TULP3: variants seen among roughly 807,000 people sequenced by gnomAD.
The protein encoded by TULP3 is TUB like protein 3, also known as tubby-related protein 3.
A neutral mutation model predicts 50.7 loss-of-function variants in TULP3; 38 were observed. That is an observed-to-expected ratio of 0.75 (90% CI 0.58 to 0.98). The LOEUF (loss-of-function observed/expected upper bound fraction) is 0.98. Ranked by LOEUF, TULP3 falls within the 50% of genes least tolerant of loss-of-function variation. The pLI is 0.00. For missense variants in TULP3, 550 were observed against 568.0 expected (o/e 0.97, Z 0.32); for synonymous variants, 183 against 196.6 (o/e 0.93, Z 0.58).
chr12:2,907,822 A>G (rs1164241451), intron 1 of TULP3, among the ~76,000 whole-genome samples: 1 of 152,168 alleles, frequency 6.6e-6, no homozygotes, highest in African/African-American at 2.4e-5. Context: ...ACATAGGAAC[A>G]TATGTAGGTG....
In TULP3 at chr12:2,927,604, C is replaced by T. The variant is rs150247916; in HGVS notation, c.395-2644C>T. On this transcript the variant is annotated intron_variant, in intron 4 of 10. Transcript: ENST00000448120. ...TTCTGACCTTGTGATCCACCCATTT[C>T]GGCCTCCCAAAGTGCTGGGATTACA... 5.1e-3 allele frequency among the ~76,000 whole-genome samples: 773 copies of T among 152,102 alleles called. 3 individuals carry two copies. The highest frequency in any genetic ancestry group is 0.01 in the Middle Eastern group (3 of 294).
Position 2,939,551 on chromosome 12 carries a change from C to G in TULP3, c.*107C>G. 6.6e-7 allele frequency: 1 copy of G among 1,513,492 alleles called. No individual in the cohort carries two copies. The highest frequency in any genetic ancestry group is 1.3e-5 in the South Asian group (1 of 75,378). 93.8% of individuals were successfully genotyped at this position (1,513,492 alleles called of 1,614,324 possible). A position where few individuals can be genotyped will look rare whatever the true frequency, so the allele number is the denominator to read the frequency against. ...GGACTTAAAGAGCAATAGTTTGCCCCTTTTGGAATGATCTCTGAATATATA... is the reference window on the plus strand; with the variant it reads ...GGACTTAAAGAGCAATAGTTTGCCCGTTTTGGAATGATCTCTGAATATATA... On this transcript the variant is annotated 3_prime_UTR_variant, in exon 11 of 11. Coordinates refer to ENST00000448120, the MANE Select transcript of TULP3 (RefSeq NM_003324.5). This position sits in a 1 kb window ranked among gnomAD's most constrained non-coding sequence, Gnocchi z 4.0.
chr12:2,933,220 C>T (rs1021822860), intron 6 of TULP3, among the ~76,000 whole-genome samples, 198 bp from the exon 7 acceptor site: 4 of 152,042 alleles, frequency 2.6e-5, no homozygotes, highest in Non-Finnish European at 4.4e-5. Context: ...GGATTACAGG[C>T]GTGAGCCACC....
At chr12:2,931,268 C>G in intron 6 of TULP3, 28 bp downstream of exon 6, 2 of 1,605,846 alleles carry the variant, frequency 1.2e-6, no homozygotes, top group Non-Finnish European at 8.5e-7. Flanking sequence ...TAAGAAAACT[C>G]TTGAGAGAGA....
intron 4 of TULP3, among the ~76,000 whole-genome samples, chr12:2,928,048 T>C (rs906382217): frequency 5.3e-5 from 8 of 152,192 alleles, no homozygotes; most frequent in African/African-American, 1.9e-4. Context: ...ATATACTCCA[T>C]GAACAAGAAA....
intron 2 of TULP3, among the ~76,000 whole-genome samples, chr12:2,915,905 G>C (rs1361619193): frequency 3.3e-5 from 5 of 152,088 alleles, no homozygotes; most frequent in Non-Finnish European, 7.3e-5. Flanking sequence ...GTACTCTGTG[G>C]TTGGTCAGTC....
intron 4 of TULP3, among the ~76,000 whole-genome samples, chr12:2,929,090 G>A (rs1043543853): frequency 1.3e-5 from 2 of 151,648 alleles, no homozygotes; most frequent in Non-Finnish European, 2.9e-5. Context: ...GGGCCGAGAC[G>A]GGCGGATCAC....
chr12:2,907,788 C>T (rs1001882695), intron 1 of TULP3, among the ~76,000 whole-genome samples: 1 of 151,898 alleles, frequency 6.6e-6, no homozygotes, highest in Non-Finnish European at 1.5e-5. Context: ...AAATACATGA[C>T]TGCAGATAAA....
intron 1 of TULP3, among the ~76,000 whole-genome samples, chr12:2,895,097 T>C (rs1307333743): frequency 6.6e-6 from 1 of 152,226 alleles, no homozygotes; most frequent in African/African-American, 2.4e-5. Flanking sequence ...AATAGCCTTT[T>C]TGTTTAGTTC....
chr12:2,929,720 A>T (rs2098196795), intron 4 of TULP3, among the ~76,000 whole-genome samples: 1 of 151,954 alleles, frequency 6.6e-6, no homozygotes, highest in Non-Finnish European at 1.5e-5. Context: ...CCTCCTGAGT[A>T]GCTGGGACTA....
chr12:2,921,146 TC>T (rs2098191447), intron 3 of TULP3, among the ~76,000 whole-genome samples: 1 of 152,148 alleles, frequency 6.6e-6, no homozygotes, highest in African/African-American at 2.4e-5. Flanking sequence ...ACTGTTGTTT[TC>T]TTTTTTTTGA....
At chr12:2,902,387 G>A (rs960007423) in intron 1 of TULP3, among the ~76,000 whole-genome samples, 1 of 152,176 alleles carries the variant, frequency 6.6e-6, no homozygotes, top group Non-Finnish European at 1.5e-5. Flanking sequence ...GTCTTATCCT[G>A]CTGCTTTCCT....
chr12:2,894,647 G>A (rs1041591682), intron 1 of TULP3, among the ~76,000 whole-genome samples: 2 of 151,972 alleles, frequency 1.3e-5, no homozygotes, highest in Non-Finnish European at 2.9e-5. Flanking sequence ...TGTAATCCCA[G>A]CACTTTGGGA....
At chr12:2,891,137 A>AC (rs1420477490) in intron 1 of TULP3, 149 bp downstream of exon 1, 2 of 962,116 alleles carry the variant, frequency 2.1e-6, no homozygotes, top group Admixed American at 3.4e-5. Context: ...GCGGGAGGCG[A>AC]CCCCCTCGCC....
At chr12:2,933,631 T>C in intron 7 of TULP3, 101 bp downstream of exon 7, 2 of 595,812 alleles carry the variant, frequency 3.4e-6, no homozygotes, top group Non-Finnish European at 5.5e-6. Context: ...TGTATTGATG[T>C]TGTAATCTTA....
In TULP3 at chr12:2,932,229, A is replaced by T. The variant is rs35809705; in HGVS notation, c.696+989A>T. ...CTTTGCCTAATCAGAGTCTTTCCTG[A>T]TGTGCTTCACCAGATGTGGTTGACA... On this transcript the variant is annotated intron_variant, in intron 6 of 10. Transcript: ENST00000448120. Among the ~76,000 whole-genome samples the T allele has an allele frequency of 5.3e-4, 81 of 152,114 alleles. No homozygotes were observed. In the Middle Eastern group the frequency reaches 0.02, roughly 38 times the overall value.
intron 2 of TULP3, among the ~76,000 whole-genome samples, chr12:2,919,855 T>A (rs1041835060): frequency 9.9e-5 from 15 of 152,156 alleles, no homozygotes; most frequent in Middle Eastern, 6.8e-3. Flanking sequence ...GCTTTCTATT[T>A]GATATGTTCC....
At chr12:2,892,726 G>A (rs1401223053) in intron 1 of TULP3, among the ~76,000 whole-genome samples, 2 of 151,996 alleles carry the variant, frequency 1.3e-5, no homozygotes, top group African/African-American at 4.8e-5. Flanking sequence ...TGGCCAAGAT[G>A]GTCTCGATTT....
intron 8 of TULP3, among the ~76,000 whole-genome samples, chr12:2,936,095 C>T (rs1193937548): frequency 1.3e-5 from 2 of 151,864 alleles, no homozygotes; most frequent in Admixed American, 6.6e-5. Flanking sequence ...GGCAAAAACC[C>T]GTCTCTACTA....
Sources: allele counts gnomAD v4.1 joint callset (sites outside exome capture counted in the v4.1 genomes callset), GRCh38; gene constraint gnomAD v4.1.1; non-coding constraint Gnocchi (gnomAD v3.1); transcripts MANE v1.5; gene names NCBI Gene and HGNC (gene_info 2026-07-23, HGNC 2026-07-21).